Variants in DDHD2 observed in about 807,000 individuals in gnomAD.
DDHD2 encodes the protein DDHD domain containing 2.
Under a neutral mutation model 91.2 loss-of-function variants are expected in DDHD2, and 62 were observed. The ratio of observed to expected loss-of-function variants is 0.68; its 90% confidence interval spans 0.55 to 0.84. The LOEUF (loss-of-function observed/expected upper bound fraction) is 0.84, where lower values mean the gene tolerates loss of function less well. Ranked by LOEUF, DDHD2 falls within the 40% of genes least tolerant of loss-of-function variation. The pLI, the probability that DDHD2 is intolerant of heterozygous loss-of-function variation, is 0.00. For missense variants in DDHD2, 740 were observed against 846.9 expected, an observed-to-expected ratio of 0.87 and a Z score of 1.57; for synonymous variants, 271 against 293.9, an observed-to-expected ratio of 0.92 and a Z score of 0.80.
chr8:38,252,926 T>G, intron 14 of DDHD2, 31 bp from the exon 15 acceptor site: 1 of 1,612,506 alleles, frequency 6.2e-7, no homozygotes, highest in Non-Finnish European at 8.5e-7. Flanking sequence ...TCTTTGTAAA[T>G]CATTTAATGT....
intron 1 of DDHD2, chr8:38,268,617 G>A: frequency 6.9e-7 from 1 of 1,442,656 alleles, no homozygotes; most frequent in Non-Finnish European, 9.1e-7. Context: ...CCAGTGAACA[G>A]CAGCGCCCGT....
At chr8:38,251,837 G>A (rs558792145) in intron 11 of DDHD2, 75 bp from the exon 12 acceptor site, 1 of 1,018,484 alleles carries the variant, frequency 9.8e-7, no homozygotes, top group African/African-American at 1.6e-5. Context: ...CCTACCTCAG[G>A]GTCCTGAGTA....
At chr8:38,240,450 T>A (rs1240342849) in intron 6 of DDHD2, 86 bp downstream of exon 6, 11 of 993,572 alleles carry the variant, frequency 1.1e-5, no homozygotes, top group Non-Finnish European at 1.4e-5. Flanking sequence ...TTGTCTTAGC[T>A]GCATAAGAAG....
At position 38,233,075 on chromosome 8, in the gene DDHD2, G is replaced by A. The variant is rs751170158; in HGVS notation, c.81G>A (p.Glu27=). 4 of 1,614,156 alleles carry A rather than the reference G, an allele frequency of 2.5e-6. No homozygotes were observed. The highest frequency in any genetic ancestry group is 2.2e-5 in the South Asian group (2 of 91,084). The stretch of plus-strand genomic sequence containing the variant: ...CACCAAACTCATGTAGTTCCTTTGA[G>A]CTAATAGACATGGATGCTGGCAGCT... ...SPSPNSCSSF[E]LIDMDAGSLY... The change falls in exon 2 of 18, where the codon GAG becomes GAA. Residue 27 remains glutamate, a synonymous_variant. Transcript: ENST00000397166.
In DDHD2 at chr8:38,253,126, TGGTCA is replaced by T; in HGVS notation, c.1891+1_1891+5del. 1 of 1,613,176 alleles carries T rather than the reference TGGTCA, an allele frequency of 6.2e-7. No homozygotes were observed. Among genetic ancestry groups the T allele is most frequent in the Non-Finnish European group, 8.5e-7 (1 of 1,179,498 alleles). ...CTGAATCAACTTCAGAGAAGCCTAGTGGTCAGTGACACTGTACACATTGACCAGCT... is the reference window on the plus strand; with the variant it reads ...CTGAATCAACTTCAGAGAAGCCTAGTGTGACACTGTACACATTGACCAGCT... On this transcript the variant is annotated splice_donor_variant and splice_donor_region_variant and coding_sequence_variant and intron_variant, in exon 15 of 18. Coordinates refer to ENST00000397166, the MANE Select transcript of DDHD2 (RefSeq NM_015214.3). LOFTEE classifies it high-confidence loss of function.
At chr8:38,236,206 G>T (rs975063125) in intron 3 of DDHD2, among the ~76,000 whole-genome samples, 1 of 151,912 alleles carries the variant, frequency 6.6e-6, no homozygotes, top group Non-Finnish European at 1.5e-5. Flanking sequence ...TAGAGACGGG[G>T]TTTCACCGTG....
At chr8:38,267,434 A>G (rs1430571127), downstream of DDHD2, 1 of 1,600,496 alleles carries the variant, frequency 6.2e-7, no homozygotes, top group African/African-American at 1.3e-5. Flanking sequence ...CATTAACTCC[A>G]GAAATTATTT....
At position 38,252,041 on chromosome 8, in the gene DDHD2, C is replaced by T. The variant is rs768745737; in HGVS notation, c.1461+13C>T. ...TGGCATTGGGCAGGTAACTAATTCT[C>T]TTTGATCATTTTACAGCCTGCTATT... On this transcript the variant is annotated intron_variant, in intron 12 of 17. Coordinates refer to ENST00000397166, the MANE Select transcript of DDHD2 (RefSeq NM_015214.3). 6.2e-7 allele frequency: 1 copy of T among 1,612,626 alleles called. No individual in the cohort carries two copies. The highest frequency in any genetic ancestry group is 1.7e-5 in the Admixed American group (1 of 60,008).
chr8:38,258,065 G>C (rs2130878384), intron 16 of DDHD2, among the ~76,000 whole-genome samples: 1 of 152,060 alleles, frequency 6.6e-6, no homozygotes, highest in African/African-American at 2.4e-5. Context: ...TGAATTCCTG[G>C]GCTCAAGCAA....
chr8:38,235,945 C>CT, intron 3 of DDHD2, among the ~76,000 whole-genome samples: 1 of 151,880 alleles, frequency 6.6e-6, no homozygotes, highest in Middle Eastern at 3.4e-3. Context: ...CAGGATTGAT[C>CT]TTTTTTAGCT....
intron 5 of DDHD2, 82 bp from the exon 6 acceptor site, chr8:38,240,193 A>G: frequency 2.6e-6 from 2 of 760,500 alleles, no homozygotes; most frequent in Non-Finnish European, 4.1e-6. Flanking sequence ...ACTTGCTCAT[A>G]TTTATAACCT....
intron 10 of DDHD2, among the ~76,000 whole-genome samples, chr8:38,248,479 C>T (rs1873089): frequency 0.02 from 3,096 of 151,326 alleles, 105 homozygotes; most frequent in African/African-American, 0.07. Flanking sequence ...ACTGGATAGA[C>T]TGGTGAATAA....
At chr8:38,257,294 G>C (rs1806594542) in intron 16 of DDHD2, among the ~76,000 whole-genome samples, 1 of 137,738 alleles carries the variant, frequency 7.3e-6, no homozygotes, top group Admixed American at 8.3e-5. Context: ...TGTCACCCAG[G>C]CTGGAGTGCT....
At chr8:38,240,233 A>C (rs1304205354) in intron 5 of DDHD2, 42 bp from the exon 6 acceptor site, 1 of 1,198,006 alleles carries the variant, frequency 8.3e-7, no homozygotes, top group Admixed American at 1.8e-5. Context: ...AGAATACATG[A>C]CTAATTATAC....
chr8:38,241,781 C>T (rs950592471), intron 6 of DDHD2, among the ~76,000 whole-genome samples: 9 of 150,218 alleles, frequency 6.0e-5, no homozygotes, highest in Non-Finnish European at 1.0e-4. Flanking sequence ...AGGCCAGGCA[C>T]GGTGGCTCAC....
intron 1 of DDHD2, chr8:38,268,515 C>G: frequency 6.5e-7 from 1 of 1,543,012 alleles, no homozygotes; most frequent in East Asian, 2.4e-5. Context: ...CACACTCGTG[C>G]TCCTACAGGA....
At chr8:38,237,936 G>T (rs1259996400) in intron 4 of DDHD2, among the ~76,000 whole-genome samples, 153 bp from the exon 5 acceptor site, 3 of 152,086 alleles carry the variant, frequency 2.0e-5, no homozygotes, top group Admixed American at 1.3e-4. Context: ...TATTTTCACG[G>T]TTCTCATTTC....
intron 10 of DDHD2, among the ~76,000 whole-genome samples, chr8:38,249,206 G>A (rs1035127178): frequency 6.6e-6 from 1 of 151,660 alleles, no homozygotes; most frequent in Non-Finnish European, 1.5e-5. Flanking sequence ...TCTGCCTTCC[G>A]GGTTCACGCC....
chr8:38,259,484 C>T (rs1244698363), intron 16 of DDHD2, among the ~76,000 whole-genome samples: 1 of 151,766 alleles, frequency 6.6e-6, no homozygotes, highest in Non-Finnish European at 1.5e-5. Context: ...TTCCTGGGTT[C>T]AAGCAATTCT....
Sources: allele counts gnomAD v4.1 joint callset (sites outside exome capture counted in the v4.1 genomes callset), GRCh38; gene constraint gnomAD v4.1.1; transcripts MANE v1.5; gene names NCBI Gene and HGNC (gene_info 2026-07-23, HGNC 2026-07-21).